The following PTK2 variants were observed in gnomAD, a reference collection of about 807,000 sequenced individuals.
PTK2 encodes the protein protein tyrosine kinase 2.
In PTK2, 45 loss-of-function variants were observed where a neutral mutation model predicts 150.1. The observed-to-expected ratio is 0.30, with a 90% CI of 0.24 to 0.38. The LOEUF (loss-of-function observed/expected upper bound fraction) is 0.38, where lower values mean the gene tolerates loss of function less well. Ranked by LOEUF, PTK2 falls within the 10% of genes least tolerant of loss-of-function variation. PTK2 has a pLI of 1.00. For missense variants in PTK2, 919 were observed against 1,307.3 expected (o/e 0.70, Z 4.58); for synonymous variants, 432 against 449.2 (o/e 0.96, Z 0.48).
chr8:140,805,660 T>C (rs1376523005), intron 10 of PTK2, among the ~76,000 whole-genome samples: 2 of 151,552 alleles, frequency 1.3e-5, no homozygotes, highest in Non-Finnish European at 2.9e-5. Flanking sequence ...ATCCAACCTC[T>C]CCACAAGTCC....
At chr8:140,692,895 T>A (rs1434723466) in intron 26 of PTK2, among the ~76,000 whole-genome samples, 1 of 152,208 alleles carries the variant, frequency 6.6e-6, no homozygotes, top group African/African-American at 2.4e-5. Flanking sequence ...CGTCTCGGCA[T>A]TCATCTTTCA....
chr8:140,910,861 G>T (rs1253591152), intron 2 of PTK2, among the ~76,000 whole-genome samples: 1 of 149,026 alleles, frequency 6.7e-6, no homozygotes, highest in Non-Finnish European at 1.5e-5. Flanking sequence ...CTTTCTAAAG[G>T]CCTCAAATCC....
intron 22 of PTK2, among the ~76,000 whole-genome samples, chr8:140,720,730 C>A (rs1478755528): frequency 1.3e-5 from 2 of 152,194 alleles, no homozygotes; most frequent in Admixed American, 6.5e-5. Flanking sequence ...ACCATTCCCA[C>A]AAAGAGCTCT....
chr8:140,893,930 T>C (rs1601188627), intron 2 of PTK2, among the ~76,000 whole-genome samples: 1 of 152,164 alleles, frequency 6.6e-6, no homozygotes, highest in African/African-American at 2.4e-5. Context: ...TTTTCTATAG[T>C]ATGTATAAAG....
At chr8:140,789,273 C>A (rs2100086885) in intron 14 of PTK2, among the ~76,000 whole-genome samples, 1 of 147,818 alleles carries the variant, frequency 6.8e-6, no homozygotes. Flanking sequence ...TTATCTATGT[C>A]CCATCTTAAA....
chr8:140,882,842 C>A (rs1353408869), intron 3 of PTK2, among the ~76,000 whole-genome samples: 1 of 152,114 alleles, frequency 6.6e-6, no homozygotes, highest in Non-Finnish European at 1.5e-5. Context: ...TTTTGATAAG[C>A]ACAACCAAAC....
intron 1 of PTK2, among the ~76,000 whole-genome samples, chr8:140,948,404 C>T (rs1373432546): frequency 1.3e-5 from 2 of 152,020 alleles, no homozygotes; most frequent in African/African-American, 4.8e-5. Flanking sequence ...GGGGAAGGGT[C>T]AATATTTAGG....
At chr8:140,779,925 T>G (rs968764165) in intron 14 of PTK2, among the ~76,000 whole-genome samples, 1 of 152,164 alleles carries the variant, frequency 6.6e-6, no homozygotes. Context: ...GGTTTCCCAG[T>G]AATCATCCAA....
At chr8:140,938,974 T>C (rs1227640964) in intron 1 of PTK2, among the ~76,000 whole-genome samples, 1 of 142,302 alleles carries the variant, frequency 7.0e-6, no homozygotes, top group Non-Finnish European at 1.6e-5. Flanking sequence ...AAGACCCCAT[T>C]CTCAGTATTT....
chr8:140,726,707 C>G (rs1228057334), intron 22 of PTK2, among the ~76,000 whole-genome samples: 1 of 152,082 alleles, frequency 6.6e-6, no homozygotes, highest in Non-Finnish European at 1.5e-5. Context: ...TAATAGAATT[C>G]ACCACCAACT....
intron 10 of PTK2, among the ~76,000 whole-genome samples, chr8:140,804,084 G>C (rs908136765): frequency 6.6e-6 from 1 of 152,206 alleles, no homozygotes; most frequent in African/African-American, 2.4e-5. Flanking sequence ...CCCTGGGCTA[G>C]AGTAAGTTCT....
chr8:140,659,543 C>T, exon 32 of PTK2: 1 of 1,613,836 alleles, frequency 6.2e-7, no homozygotes, highest in Non-Finnish European at 8.5e-7. Context: ...GCATCCACAG[C>T]CAGGGCGTGA....
intron 1 of PTK2, among the ~76,000 whole-genome samples, chr8:140,965,970 T>TA (rs1462424010): frequency 6.6e-6 from 1 of 152,206 alleles, no homozygotes; most frequent in Non-Finnish European, 1.5e-5. Flanking sequence ...CACTATTAAT[T>TA]AAAACCAAAG....
chr8:140,943,240 T>C (rs1324605543), intron 1 of PTK2, among the ~76,000 whole-genome samples: 1 of 152,182 alleles, frequency 6.6e-6, no homozygotes, highest in Non-Finnish European at 1.5e-5. Context: ...CCCCATGCTC[T>C]TTTATACTCA....
intron 5 of PTK2, among the ~76,000 whole-genome samples, chr8:140,849,850 T>C (rs1388354163): frequency 6.6e-6 from 1 of 152,238 alleles, no homozygotes; most frequent in Non-Finnish European, 1.5e-5. Context: ...AAAATCCAGA[T>C]GTATCAACCC....
In PTK2 at chr8:140,865,046, C is replaced by T. The variant is rs138829417; in HGVS notation, c.363-647G>A. Among the ~76,000 whole-genome samples, 687 of 152,250 alleles carry T rather than the reference C, an allele frequency of 4.5e-3. 4 individuals are homozygous for T. The highest frequency in any genetic ancestry group is 0.016 in the African/African-American group (650 of 41,522). Reference sequence around the variant, plus strand: ...TCCCACCAACAGCATGGGGGTGTTCCAGTTCCTCTATATCTTTGCCTCCAC... The same window carrying T: ...TCCCACCAACAGCATGGGGGTGTTCTAGTTCCTCTATATCTTTGCCTCCAC... On this transcript the variant is annotated intron_variant, in intron 4 of 31. Coordinates refer to ENST00000522684, the Ensembl canonical transcript of PTK2.
chr8:140,985,682 C>G (rs893021090), intron 1 of PTK2, among the ~76,000 whole-genome samples: 1 of 152,190 alleles, frequency 6.6e-6, no homozygotes, highest in Non-Finnish European at 1.5e-5. Context: ...CAGTGCCCTG[C>G]AACTTTGCAC....
intron 22 of PTK2, among the ~76,000 whole-genome samples, chr8:140,730,917 C>A (rs2100048801): frequency 2.1e-5 from 3 of 144,882 alleles, no homozygotes; most frequent in East Asian, 2.0e-4. Flanking sequence ...TAGTACCTAA[C>A]AAAGAATTAA....
In PTK2 at chr8:140,894,871, G is replaced by C. The variant is rs1262158154; in HGVS notation, c.-32-4102C>G. ...ACTTTTGGTACGCTATAGAAGATCT[G>C]AAGAGCACGATTAACAAATCTGATC... On this transcript the variant is annotated intron_variant, in intron 2 of 31. Coordinates refer to ENST00000522684, the Ensembl canonical transcript of PTK2. Among the ~76,000 whole-genome samples, 6 of 152,136 alleles carry C rather than the reference G, an allele frequency of 3.9e-5. No individual in the cohort carries two copies. In the East Asian group the frequency reaches 1.2e-3, roughly 29 times the overall value.
Sources: allele counts gnomAD v4.1 joint callset (sites outside exome capture counted in the v4.1 genomes callset), GRCh38; gene constraint gnomAD v4.1.1; transcripts MANE v1.5; gene names NCBI Gene and HGNC (gene_info 2026-07-23, HGNC 2026-07-21).